The following RASA2 variants were observed in gnomAD, a reference collection of about 807,000 sequenced individuals.
The protein encoded by RASA2 is ras GTPase-activating protein 2.
RASA2 carries 155 observed loss-of-function variants against 118.2 expected under a neutral mutation model. The ratio of observed to expected loss-of-function variants is 1.31; its 90% confidence interval spans 1.15 to 1.50. The LOEUF is 1.50. Ranked by LOEUF, RASA2 falls within the 40% of genes most tolerant of loss-of-function variation. The probability of loss-of-function intolerance (pLI) is 0.00; values close to 1 mark genes in which losing one functional copy is unlikely to be tolerated. For missense variants in RASA2, 1,016 were observed against 1,009.6 expected, an observed-to-expected ratio of 1.01 and a Z score of -0.09; for synonymous variants, 353 against 349.1, an observed-to-expected ratio of 1.01 and a Z score of -0.12.
intron 19 of RASA2, among the ~76,000 whole-genome samples, chr3:141,606,532 T>C (rs1228387513): frequency 1.3e-5 from 2 of 152,226 alleles, no homozygotes; most frequent in African/African-American, 4.8e-5. Context: ...ATGATCTATT[T>C]ACAGCTATAT....
At chr3:141,569,544 A>C (rs1443515116) in intron 9 of RASA2, among the ~76,000 whole-genome samples, 2 of 152,216 alleles carry the variant, frequency 1.3e-5, no homozygotes, top group East Asian at 3.8e-4. Flanking sequence ...TTAGGCAAGC[A>C]TATTGCTGAG....
rs2083614776 is a variant in RASA2 at position 141,610,121 on chromosome 3, C to T, written c.2519+55C>T. On this transcript the variant is annotated intron_variant, in intron 23 of 23. Coordinates refer to ENST00000286364, the MANE Select transcript of RASA2 (RefSeq NM_006506.5). Reference sequence around the variant, plus strand: ...ATTTTTAAACGGAGTTTGAGATTGCCTCTCCTGCCCCAACCTCACACCTCC... The same window carrying T: ...ATTTTTAAACGGAGTTTGAGATTGCTTCTCCTGCCCCAACCTCACACCTCC... 1.6e-5 allele frequency: 23 copies of T among 1,414,162 alleles called. 1 individual carries two copies. The South Asian group carries it at 3.0e-4, about 19-fold the overall frequency. The allele number at this position is 1,414,162 out of a possible 1,614,324, so 87.6% of individuals were successfully genotyped here. A position where few individuals can be genotyped will look rare whatever the true frequency, so the allele number is the denominator to read the frequency against.
rs1318728578 is a variant in RASA2, at chr3:141,570,982, A to G, written c.934A>G (p.Asn312Asp). ...KTDDLGSLRLNICYTEDYVLP... is the reference protein window; with the variant it reads ...KTDDLGSLRLDICYTEDYVLP... ...TGATGACCTGGGGTCTCTTCGATTA[A>G]ATATATGTTATACAGAAGACTACGT... Residue 312 changes from asparagine (N) to aspartate (D), a missense_variant, in exon 10 of 24, where the codon AAT becomes GAT. Transcript: ENST00000286364. The G allele has an allele frequency of 1.2e-6, 2 of 1,612,702 alleles. No homozygotes were observed. The highest frequency in any genetic ancestry group is 1.1e-5 in the South Asian group (1 of 90,846).
chr3:141,511,097 A>C (rs1322819101), intron 1 of RASA2, among the ~76,000 whole-genome samples: 1 of 152,052 alleles, frequency 6.6e-6, no homozygotes, highest in South Asian at 2.1e-4. Flanking sequence ...TTTATTTTGG[A>C]GGTCTGCTGG....
rs1278653654 is a variant in RASA2 at position 141,555,972 on chromosome 3, TTTC to T, written c.684+63_684+65del. 7 of 1,312,566 alleles carry T rather than the reference TTTC, an allele frequency of 5.3e-6. No individual in the cohort carries two copies. The East Asian group carries it at 1.5e-4, about 28-fold the overall frequency. 81.3% of individuals were successfully genotyped at this position (1,312,566 alleles called of 1,614,324 possible). ...ATATGTAATATTTAATGCTAGTTGA[TTTC>T]TTTTTTCAAACCACAGTCATAGTAA... On this transcript the variant is annotated intron_variant, in intron 7 of 23. Transcript: ENST00000286364.
rs1366120741 is a variant in RASA2, at chr3:141,487,031, C to T, written c.-53C>T. On this transcript the variant is annotated 5_prime_UTR_variant, in exon 1 of 24. Transcript: ENST00000286364. ...CTGGGCCTAGGCCGCTGCTGGGCTC[C>T]GCCTCGCCCGGCTACGCAGGCGGCA... 2.6e-6 allele frequency: 3 copies of T among 1,142,496 alleles called. No homozygotes were observed. The highest frequency in any genetic ancestry group is 3.8e-5 in the South Asian group (1 of 26,264). 70.8% of individuals were successfully genotyped at this position (1,142,496 alleles called of 1,614,324 possible).
chr3:141,493,190 A>G (rs1242253477), intron 1 of RASA2, among the ~76,000 whole-genome samples: 4 of 152,232 alleles, frequency 2.6e-5, no homozygotes, highest in Admixed American at 2.6e-4. Flanking sequence ...CAAATGTACT[A>G]CATTTAATAC....
At position 141,608,480 on chromosome 3, in the gene RASA2, C is replaced by A; in HGVS notation, c.2017-9C>A. 1 of 1,611,474 alleles carries A rather than the reference C, an allele frequency of 6.2e-7. No individual in the cohort carries two copies. The highest frequency in any genetic ancestry group is 8.5e-7 in the Non-Finnish European group (1 of 1,177,854). On this transcript the variant is annotated splice_polypyrimidine_tract_variant and intron_variant, in intron 20 of 23. Coordinates refer to ENST00000286364, the MANE Select transcript of RASA2 (RefSeq NM_006506.5). Reference sequence around the variant, plus strand: ...TGTCACTAACTTTTTATCTTAATTGCCTATGAAGATGTTCCAAGTAATACA... The same window carrying A: ...TGTCACTAACTTTTTATCTTAATTGACTATGAAGATGTTCCAAGTAATACA...
chr3:141,519,320 C>T (rs141875027), intron 3 of RASA2, among the ~76,000 whole-genome samples: 1 of 152,212 alleles, frequency 6.6e-6, no homozygotes, highest in East Asian at 1.9e-4. Context: ...AAAAATAACA[C>T]ATTATTATTT....
At chr3:141,562,922 C>T (rs931173165) in intron 9 of RASA2, among the ~76,000 whole-genome samples, 3 of 152,230 alleles carry the variant, frequency 2.0e-5, no homozygotes, top group South Asian at 2.1e-4. Context: ...CCCCCCGCCT[C>T]GGCCTCCCAA....
chr3:141,584,291 A>G (rs2083163011), intron 17 of RASA2, among the ~76,000 whole-genome samples: 2 of 139,666 alleles, frequency 1.4e-5, no homozygotes, highest in Admixed American at 7.9e-5. Context: ...AGATCGCACC[A>G]TTGCGCTCCA....
At chr3:141,497,149 A>G (rs2081713870) in intron 1 of RASA2, among the ~76,000 whole-genome samples, 2 of 123,342 alleles carry the variant, frequency 1.6e-5, no homozygotes, top group Admixed American at 2.1e-4. Flanking sequence ...GGAACATCAC[A>G]CACCGGGGCC....
At chr3:141,576,595 G>A (rs2083015811) in intron 14 of RASA2, among the ~76,000 whole-genome samples, 1 of 152,112 alleles carries the variant, frequency 6.6e-6, no homozygotes, top group Admixed American at 6.5e-5. Flanking sequence ...ATTTTTGGGG[G>A]GGATATTGAA....
Position 141,608,084 on chromosome 3 carries a change from G to C in RASA2, c.2016+324G>C, listed in dbSNP as rs151235767. 7.4e-4 allele frequency among the ~76,000 whole-genome samples: 108 copies of C among 146,144 alleles called. 1 individual carries two copies. The East Asian group carries it at 0.017, about 23-fold the overall frequency. On this transcript the variant is annotated intron_variant, in intron 20 of 23. Coordinates refer to ENST00000286364, the MANE Select transcript of RASA2 (RefSeq NM_006506.5). Reference sequence around the variant, plus strand: ...GATATTCAAGTTTCTAAGTAATACAGTCCCAAGCTATCTGTCCAGCTTTGT... The same window carrying C: ...GATATTCAAGTTTCTAAGTAATACACTCCCAAGCTATCTGTCCAGCTTTGT...
At chr3:141,496,376 C>T (rs1301974928) in intron 1 of RASA2, among the ~76,000 whole-genome samples, 1 of 152,130 alleles carries the variant, frequency 6.6e-6, no homozygotes, top group East Asian at 1.9e-4. Context: ...TCAGAGTGAA[C>T]AGGCAACCTA....
intron 9 of RASA2, among the ~76,000 whole-genome samples, chr3:141,568,645 G>A (rs2082863643): frequency 6.6e-6 from 1 of 152,060 alleles, no homozygotes; most frequent in Middle Eastern, 3.4e-3. Context: ...AGAAGATTCT[G>A]GTTCAAAGAG....
chr3:141,564,695 A>G (rs535896800), intron 9 of RASA2, among the ~76,000 whole-genome samples: 1 of 152,324 alleles, frequency 6.6e-6, no homozygotes, highest in Admixed American at 6.5e-5. Flanking sequence ...AACAGGTAAA[A>G]AAATACAGTG....
At chr3:141,550,892 T>A (rs2082564655) in intron 5 of RASA2, among the ~76,000 whole-genome samples, 1 of 152,148 alleles carries the variant, frequency 6.6e-6, no homozygotes, top group Non-Finnish European at 1.5e-5. Context: ...TCTATCCAAC[T>A]CCTCCCCCAA....
chr3:141,495,818 T>C (rs1383941369), intron 1 of RASA2, among the ~76,000 whole-genome samples: 1 of 152,138 alleles, frequency 6.6e-6, no homozygotes, highest in African/African-American at 2.4e-5. Flanking sequence ...TAAATGTACA[T>C]CGGTAGGAAA....
Sources: gnomAD v4.1 joint callset for allele counts (sites outside exome capture counted in the v4.1 genomes callset) on GRCh38, gnomAD v4.1.1 for gene constraint, MANE v1.5 for transcripts, NCBI Gene and HGNC (gene_info 2026-07-23, HGNC 2026-07-21) for gene names.